Variants in HSPA12A observed in about 807,000 individuals in gnomAD.
The protein encoded by HSPA12A is heat shock 70 kDa protein 12A.
A neutral mutation model predicts 69.2 loss-of-function variants in HSPA12A; 28 were observed. The observed-to-expected ratio is 0.40, with a 90% CI of 0.30 to 0.55. The LOEUF (loss-of-function observed/expected upper bound fraction) is 0.55, where lower values mean the gene tolerates loss of function less well. Ranked by LOEUF, HSPA12A falls within the 20% of genes least tolerant of loss-of-function variation. The pLI is 0.38. For synonymous variants in HSPA12A, 345 were observed against 370.5 expected (o/e 0.93, Z 0.79); for missense variants, 686 against 900.7 (o/e 0.76, Z 3.05).
intron 1 of HSPA12A, among the ~76,000 whole-genome samples, chr10:116,738,517 T>G (rs1851381994): frequency 6.6e-6 from 1 of 152,120 alleles, no homozygotes; most frequent in Non-Finnish European, 1.5e-5. Flanking sequence ...GTTAGCAAGT[T>G]TTTCAAAGCC....
At chr10:116,689,287 G>A (rs953989346) in intron 6 of HSPA12A, among the ~76,000 whole-genome samples, 2 of 151,928 alleles carry the variant, frequency 1.3e-5, no homozygotes, top group Non-Finnish European at 2.9e-5. Flanking sequence ...AGCCTGAAAG[G>A]AGGGGCTCCA....
At chr10:116,744,197 T>C (rs1240570093), upstream of HSPA12A, among the ~76,000 whole-genome samples, 1 of 152,222 alleles carries the variant, frequency 6.6e-6, no homozygotes, top group African/African-American at 2.4e-5. Flanking sequence ...GCTTCTCTTA[T>C]GCTGGTATTT....
intron 6 of HSPA12A, among the ~76,000 whole-genome samples, chr10:116,684,778 T>C (rs895629725): frequency 1.3e-5 from 2 of 152,230 alleles, no homozygotes; most frequent in East Asian, 1.9e-4. Context: ...GTGGCTTCCA[T>C]CTGCAAACAT....
chr10:116,850,707 T>C (rs1846053909), upstream of HSPA12A, among the ~76,000 whole-genome samples: 1 of 152,162 alleles, frequency 6.6e-6, no homozygotes, highest in Admixed American at 6.5e-5. Flanking sequence ...TGGCCTATAC[T>C]ATCAAAGGGG....
At chr10:116,822,024 T>A (rs1458442334) in intron 2 of HSPA12A, among the ~76,000 whole-genome samples, 2 of 152,252 alleles carry the variant, frequency 1.3e-5, no homozygotes, top group Non-Finnish European at 2.9e-5. Context: ...GTGCTATGCC[T>A]ATCTTTTGGT....
intron 1 of HSPA12A, among the ~76,000 whole-genome samples, chr10:116,733,789 T>C (rs1851232038): frequency 6.6e-6 from 1 of 152,170 alleles, no homozygotes; most frequent in Non-Finnish European, 1.5e-5. Flanking sequence ...ATTTTTTAAA[T>C]GAACACTTAT....
chr10:116,706,269 G>T (rs983777061), intron 2 of HSPA12A, among the ~76,000 whole-genome samples: 1 of 149,668 alleles, frequency 6.7e-6, no homozygotes, highest in Non-Finnish European at 1.5e-5. Flanking sequence ...ACCAACAAAT[G>T]TTGGAGGGGA....
intron 2 of HSPA12A, among the ~76,000 whole-genome samples, chr10:116,794,269 A>G (rs148177112): frequency 4.5e-4 from 69 of 152,266 alleles, no homozygotes; most frequent in African/African-American, 1.5e-3. Flanking sequence ...GGTAAAAGAT[A>G]AAGAGTATCA....
chr10:116,738,359 A>T (rs1346768520), intron 1 of HSPA12A, among the ~76,000 whole-genome samples: 1 of 152,138 alleles, frequency 6.6e-6, no homozygotes, highest in Non-Finnish European at 1.5e-5. Flanking sequence ...TTTATTGAAC[A>T]CCTACTAGTG....
intron 2 of HSPA12A, among the ~76,000 whole-genome samples, chr10:116,767,210 G>C (rs1378448907): frequency 6.6e-6 from 1 of 152,186 alleles, no homozygotes; most frequent in Admixed American, 6.5e-5. Context: ...GTCCTGAAAA[G>C]AGGCAGCAAA....
exon 1 of HSPA12A, chr10:116,849,618 A>C: frequency 1.9e-6 from 3 of 1,550,100 alleles, no homozygotes; most frequent in Non-Finnish European, 2.6e-6. Context: ...GGAGCTGCAG[A>C]AGCTGAAGCA....
At chr10:116,683,033 A>G (rs1849467040) in intron 7 of HSPA12A, among the ~76,000 whole-genome samples, 1 of 151,402 alleles carries the variant, frequency 6.6e-6, no homozygotes, top group Admixed American at 6.6e-5. Context: ...CCTGAAATTA[A>G]CCCTTAGACC....
At position 116,812,412 on chromosome 10, in the gene HSPA12A, C is replaced by T. The variant is rs531172458; in HGVS notation, c.91+22523G>A. 5.9e-5 allele frequency among the ~76,000 whole-genome samples: 9 copies of T among 152,064 alleles called. No homozygotes were observed. In the East Asian group the frequency reaches 1.5e-3, roughly 26 times the overall value. On this transcript the variant is annotated intron_variant, in intron 2 of 12. Transcript: ENST00000635765. ...AGGATGCAGCGAGTCGAAATTGCAG[C>T]ATTGCACTCCAGCCTAGGCGATCGA...
Position 116,848,056 on chromosome 10 carries a change from G to T in HSPA12A, c.3+1510C>A, listed in dbSNP as rs566468668. ...TTTCTTCCAGGGGTGTATGAGGAAA[G>T]GCAAAAAGGTGAAATGGAAACAGCA... On this transcript the variant is annotated intron_variant, in intron 1 of 12. Transcript: ENST00000635765. Among the ~76,000 whole-genome samples the T allele has an allele frequency of 8.5e-4, 130 of 152,262 alleles. 2 individuals are homozygous for T. In the South Asian group the frequency reaches 0.026, roughly 30 times the overall value.
At chr10:116,798,111 C>A (rs1207921394) in intron 2 of HSPA12A, among the ~76,000 whole-genome samples, 1 of 143,420 alleles carries the variant, frequency 7.0e-6, no homozygotes, top group African/African-American at 2.6e-5. Flanking sequence ...TGGCTTTTGT[C>A]AGGGGAATGA....
chr10:116,760,538 A>T (rs1554889177), intron 2 of HSPA12A, among the ~76,000 whole-genome samples: 1 of 152,186 alleles, frequency 6.6e-6, no homozygotes, highest in Non-Finnish European at 1.5e-5. Flanking sequence ...AAAACACATG[A>T]ATGTGCCCTC....
chr10:116,785,758 A>G (rs1844561695), intron 2 of HSPA12A, among the ~76,000 whole-genome samples: 1 of 151,976 alleles, frequency 6.6e-6, no homozygotes. Context: ...CCTCCCAGGG[A>G]ATGGTCTCAG....
chr10:116,726,648 C>T (rs1290182597), intron 1 of HSPA12A, among the ~76,000 whole-genome samples: 1 of 152,194 alleles, frequency 6.6e-6, no homozygotes, highest in Non-Finnish European at 1.5e-5. Context: ...CCTCAACACT[C>T]CTACCCTTAG....
At chr10:116,743,749 G>T (rs1851584338), upstream of HSPA12A, among the ~76,000 whole-genome samples, 1 of 152,140 alleles carries the variant, frequency 6.6e-6, no homozygotes, top group Non-Finnish European at 1.5e-5. Context: ...TGCTGCGAGA[G>T]CCTGGAGACC....
Sources: gnomAD v4.1 joint callset for allele counts (sites outside exome capture counted in the v4.1 genomes callset) on GRCh38, gnomAD v4.1.1 for gene constraint, MANE v1.5 for transcripts, NCBI Gene and HGNC (gene_info 2026-07-23, HGNC 2026-07-21) for gene names.